PCDHGA9: variants seen among roughly 807,000 people sequenced by gnomAD.
The protein encoded by PCDHGA9 is protocadherin gamma subfamily A, 9.
PCDHGA9 carries 37 observed loss-of-function variants against 62.5 expected under a neutral mutation model. The ratio of observed to expected loss-of-function variants is 0.59; its 90% CI spans 0.46 to 0.78. The LOEUF is 0.78. Among genes scored for constraint, PCDHGA9 ranks in the 30% least tolerant of loss-of-function variants. The pLI is 0.00. For missense variants in PCDHGA9, 1,138 were observed against 1,166.2 expected (o/e 0.98, Z 0.35); for synonymous variants, 459 against 484.6 (o/e 0.95, Z 0.69).
intron 1 of PCDHGA9, among the ~76,000 whole-genome samples, chr5:141,454,703 A>C (rs933041937): frequency 1.3e-5 from 2 of 150,198 alleles, no homozygotes; most frequent in African/African-American, 4.9e-5. Flanking sequence ...ACCATGCTCC[A>C]CCTGCTTATT....
chr5:141,437,434 G>A (rs183505868), intron 1 of PCDHGA9, among the ~76,000 whole-genome samples: 409 of 152,312 alleles, frequency 2.7e-3, no homozygotes, highest in Middle Eastern at 6.8e-3. Flanking sequence ...AGCAGCAATA[G>A]CATAGGAATG....
At chr5:141,411,059 C>T (rs1384816111) in intron 1 of PCDHGA9, 1 of 156,328 alleles carries the variant, frequency 6.4e-6, no homozygotes, top group African/African-American at 2.4e-5. Context: ...ACTATGTCGA[C>T]CAGGCTGTTC....
intron 1 of PCDHGA9, among the ~76,000 whole-genome samples, chr5:141,469,538 G>A (rs2099204234): frequency 6.6e-6 from 1 of 152,168 alleles, no homozygotes; most frequent in Non-Finnish European, 1.5e-5. Flanking sequence ...TTGTGCCACT[G>A]CACTCCAGCC....
chr5:141,414,469 G>T (rs944183814), intron 1 of PCDHGA9: 1 of 1,613,742 alleles, frequency 6.2e-7, no homozygotes, highest in African/African-American at 1.3e-5. Context: ...CACAGATGGG[G>T]GAAGTCCTCC....
chr5:141,419,621 G>T, intron 1 of PCDHGA9: 2 of 1,612,306 alleles, frequency 1.2e-6, no homozygotes, highest in Non-Finnish European at 1.7e-6. Context: ...AGGCTACCTG[G>T]TGACCAAGGT....
chr5:141,427,268 A>G (rs1433017911), intron 1 of PCDHGA9: 7 of 456,648 alleles, frequency 1.5e-5, no homozygotes, highest in Non-Finnish European at 3.1e-5. Flanking sequence ...TGACCAGCGA[A>G]TGTAAAATTA....
rs1445450316 is a variant in PCDHGA9, at chr5:141,491,210, C to T, written c.2425-3597C>T. On this transcript the variant is annotated intron_variant, in intron 1 of 3. Coordinates refer to ENST00000573521, the MANE Select transcript of PCDHGA9 (RefSeq NM_018921.3). The surrounding 1 kb of genome is among the most constrained non-coding windows in gnomAD (Gnocchi z 6.9). ...AGGGACAATGGTGACCCTTCACTCT[C>T]CTCCACAGCCACAGTGCTGCTGGTT... The T allele has an allele frequency of 3.7e-6, 6 of 1,614,228 alleles. No homozygotes were observed. Among genetic ancestry groups the T allele is most frequent in the Non-Finnish European group, 3.4e-6 (4 of 1,180,032 alleles).
chr5:141,408,972 C>T, intron 1 of PCDHGA9: 8 of 1,613,870 alleles, frequency 5.0e-6, no homozygotes, highest in Non-Finnish European at 5.9e-6. Flanking sequence ...AATCTGCCCC[C>T]TGGGTCCCCT....
chr5:141,478,246 C>T (rs1305046488), intron 1 of PCDHGA9: 1 of 1,614,100 alleles, frequency 6.2e-7, no homozygotes, highest in Admixed American at 1.7e-5. Context: ...TCACAGTGTT[C>T]GGAGTAATCA....
chr5:141,408,533 G>A, intron 1 of PCDHGA9: 1 of 1,614,056 alleles, frequency 6.2e-7, no homozygotes, highest in Non-Finnish European at 8.5e-7. Flanking sequence ...AGCTGTGGTG[G>A]AAAATCCTTT....
intron 1 of PCDHGA9, among the ~76,000 whole-genome samples, chr5:141,488,553 T>C (rs2099676887): frequency 6.6e-6 from 1 of 152,166 alleles, no homozygotes; most frequent in South Asian, 2.1e-4. Flanking sequence ...TCAGCTGACA[T>C]TGAGATTTCC....
intron 1 of PCDHGA9, chr5:141,419,876 C>T (rs1219393740): frequency 1.4e-5 from 23 of 1,614,084 alleles, no homozygotes; most frequent in Non-Finnish European, 1.9e-5. Flanking sequence ...AGAGGTACTG[C>T]CGGATTTCAG....
intron 2 of PCDHGA9, among the ~76,000 whole-genome samples, chr5:141,499,146 C>T (rs1415999012): frequency 1.3e-5 from 2 of 152,132 alleles, no homozygotes; most frequent in African/African-American, 4.8e-5. Flanking sequence ...GTGTCTGATC[C>T]CAATAGCTGT....
chr5:141,503,209 C>T (rs963237902), intron 2 of PCDHGA9, among the ~76,000 whole-genome samples: 3 of 152,020 alleles, frequency 2.0e-5, no homozygotes, highest in African/African-American at 7.3e-5. Context: ...TCTCAGTGCC[C>T]ACCATGAGCA....
chr5:141,440,056 G>A, intron 1 of PCDHGA9: 1 of 152,648 alleles, frequency 6.6e-6, no homozygotes, highest in East Asian at 1.9e-4. Flanking sequence ...GAAAGCTTCG[G>A]GTTAATGCTG....
chr5:141,448,232 T>A (rs917554207), intron 1 of PCDHGA9, among the ~76,000 whole-genome samples: 1 of 152,094 alleles, frequency 6.6e-6, no homozygotes, highest in Admixed American at 6.6e-5. Context: ...ATGTGTGGGG[T>A]TTTCTTTGCA....
At chr5:141,492,710 G>A (rs11953270) in intron 1 of PCDHGA9, among the ~76,000 whole-genome samples, 27,341 of 152,278 alleles carry the variant, frequency 0.18, 2,647 homozygotes, top group Admixed American at 0.28. Flanking sequence ...GAAGCCTCGA[G>A]CAGGCGGACA....
intron 1 of PCDHGA9, chr5:141,428,207 T>G (rs1213295979): frequency 7.6e-7 from 1 of 1,308,340 alleles, no homozygotes; most frequent in African/African-American, 1.4e-5. Context: ...GCCGCTACGC[T>G]TCACCTAGTC....
intron 1 of PCDHGA9, among the ~76,000 whole-genome samples, chr5:141,434,766 A>T (rs1383531828): frequency 1.3e-5 from 2 of 151,012 alleles, no homozygotes; most frequent in Non-Finnish European, 3.0e-5. Context: ...CCCACTTCAC[A>T]CTTCTAAAAA....
Sources: gnomAD v4.1 joint callset for allele counts (sites outside exome capture counted in the v4.1 genomes callset) on GRCh38, gnomAD v4.1.1 for gene constraint, Gnocchi (gnomAD v3.1) non-coding constraint, MANE v1.5 for transcripts, NCBI Gene and HGNC (gene_info 2026-07-23, HGNC 2026-07-21) for gene names.